The following RAB33B variants were observed in gnomAD, a reference collection of about 807,000 sequenced individuals.
The protein encoded by RAB33B is RAB33B, member RAS oncogene family.
In RAB33B, 6 loss-of-function variants were observed where a neutral mutation model predicts 15.0. That is an observed-to-expected ratio of 0.40 (90% confidence interval 0.22 to 0.79). RAB33B has a LOEUF of 0.79. Ranked by LOEUF, RAB33B falls within the 30% of genes least tolerant of loss-of-function variation. The probability of loss-of-function intolerance (pLI) is 0.37; values close to 1 mark genes in which losing one functional copy is unlikely to be tolerated. For synonymous variants in RAB33B, 117 were observed against 108.3 expected (o/e 1.08, Z -0.50); for missense variants, 257 against 296.4 (o/e 0.87, Z 0.98).
chr4:139,447,113 C>T, the RAB33B span, among the ~76,000 whole-genome samples: 3 of 152,196 alleles, frequency 2.0e-5, no homozygotes, highest in Admixed American at 2.0e-4. Context: ...CTGACCAAGG[C>T]ACTCACTTTA....
In RAB33B at chr4:139,473,239, C is replaced by T. The variant is rs1300836266; in HGVS notation, c.*113C>T. 2.1e-6 allele frequency: 2 copies of T among 952,488 alleles called. No homozygotes were observed. Among genetic ancestry groups the T allele is most frequent in the African/African-American group, 1.7e-5 (1 of 60,268 alleles). The allele number at this position is 952,488 out of a possible 1,614,324, so 59.0% of individuals were successfully genotyped here. A position where few individuals can be genotyped will look rare whatever the true frequency, so the allele number is the denominator to read the frequency against. ...TATAATGGGTCATCTTGACACTTTG[C>T]TGTTTGTCATTGTCACGCTTTTGTA... is the stretch of plus-strand genomic sequence containing the variant. On this transcript the variant is annotated 3_prime_UTR_variant, in exon 2 of 2. Coordinates refer to ENST00000305626, the MANE Select transcript of RAB33B (RefSeq NM_031296.3).
chr4:139,454,036 G>A (rs774087744), upstream of RAB33B: 64 of 815,184 alleles, frequency 7.9e-5, no homozygotes, highest in Non-Finnish European at 1.1e-4. Flanking sequence ...GCAAGGGCGG[G>A]GCGGGAAGGT....
the RAB33B span, among the ~76,000 whole-genome samples, chr4:139,443,870 G>A: frequency 2.0e-5 from 3 of 152,170 alleles, no homozygotes; most frequent in African/African-American, 7.2e-5. Context: ...TGAGGCAACA[G>A]TGATGGCCTC....
chr4:139,448,084 G>A, the RAB33B span, among the ~76,000 whole-genome samples: 5 of 152,200 alleles, frequency 3.3e-5, no homozygotes, highest in Non-Finnish European at 7.3e-5. Context: ...GTAAGGAAGA[G>A]TATGCATGGA....
At position 139,476,577 on chromosome 4, in the gene RAB33B, T is replaced by C. The variant is rs1267079994; in HGVS notation, c.*3451T>C. ...TCAAACATTTATCAAGTATGGGTCA[T>C]GTGTTCTCTATTTGTGTTAGTGGAG... is the stretch of plus-strand genomic sequence containing the variant. On this transcript the variant is annotated 3_prime_UTR_variant, in exon 2 of 2. Transcript: ENST00000305626. 1 of 152,254 alleles carries C rather than the reference T, an allele frequency of 6.6e-6. No homozygotes were observed. Among genetic ancestry groups the C allele is most frequent in the Non-Finnish European group, 1.5e-5 (1 of 68,042 alleles). 9.4% of individuals were successfully genotyped at this position (152,254 alleles called of 1,614,324 possible).
intron 1 of RAB33B, among the ~76,000 whole-genome samples, chr4:139,471,888 A>T (rs541046140): frequency 6.6e-6 from 1 of 152,162 alleles, no homozygotes. Flanking sequence ...GTAAGTTTTT[A>T]TATATGGTGT....
At chr4:139,472,150 C>G (rs1405238335) in intron 1 of RAB33B, among the ~76,000 whole-genome samples, 1 of 152,078 alleles carries the variant, frequency 6.6e-6, no homozygotes, top group Non-Finnish European at 1.5e-5. Context: ...CATTTTAATT[C>G]TATGTTGAGC....
At chr4:139,457,588 A>G (rs1750091881) in intron 1 of RAB33B, among the ~76,000 whole-genome samples, 1 of 152,028 alleles carries the variant, frequency 6.6e-6, no homozygotes, top group Non-Finnish European at 1.5e-5. Flanking sequence ...AATAATCAGG[A>G]CCTCTCCCCA....
chr4:139,453,885 T>C, upstream of RAB33B: 1 of 238,456 alleles, frequency 4.2e-6, no homozygotes. Context: ...CTCTGCAGGC[T>C]GGCCTTCCGC....
chr4:139,468,870 A>G (rs1750340912), intron 1 of RAB33B, among the ~76,000 whole-genome samples: 2 of 152,214 alleles, frequency 1.3e-5, no homozygotes, highest in African/African-American at 4.8e-5. Context: ...GCACTTGGAA[A>G]TATATCATGC....
At chr4:139,442,435 T>A in the RAB33B span, among the ~76,000 whole-genome samples, 1 of 152,170 alleles carries the variant, frequency 6.6e-6, no homozygotes, top group Non-Finnish European at 1.5e-5. Flanking sequence ...TATTGAAGGA[T>A]GCAAAGTATT....
chr4:139,443,600 G>A, the RAB33B span, among the ~76,000 whole-genome samples: 5 of 152,172 alleles, frequency 3.3e-5, no homozygotes, highest in African/African-American at 1.2e-4. Context: ...GCTCTTATTA[G>A]GCAAGTGGCT....
In RAB33B at chr4:139,473,160, T is replaced by C. The variant is rs1052529675; in HGVS notation, c.*34T>C. 1 of 1,506,922 alleles carries C rather than the reference T, an allele frequency of 6.6e-7. No individual in the cohort carries two copies. Among genetic ancestry groups the C allele is most frequent in the Admixed American group, 2.2e-5 (1 of 46,464 alleles). The allele number at this position is 1,506,922 out of a possible 1,614,324, so 93.3% of individuals were successfully genotyped here. On this transcript the variant is annotated 3_prime_UTR_variant, in exon 2 of 2. Coordinates refer to ENST00000305626, the MANE Select transcript of RAB33B (RefSeq NM_031296.3). ...CTTTATTATATTATCTAATTTTGAC[T>C]AAAGAAATACTTTTGAAGTATGACA... is the stretch of plus-strand genomic sequence containing the variant.
At chr4:139,444,615 G>T in the RAB33B span, among the ~76,000 whole-genome samples, 1 of 152,160 alleles carries the variant, frequency 6.6e-6, no homozygotes, top group African/African-American at 2.4e-5. Flanking sequence ...CTGAGCTGAC[G>T]TTGATTCTAG....
rs1750443085 is a variant in RAB33B at position 139,473,750 on chromosome 4, A to G, written c.*624A>G. On this transcript the variant is annotated 3_prime_UTR_variant, in exon 2 of 2. Transcript: ENST00000305626. ...GTTTTAGAGCCAAGACTTTAGTTCC[A>G]GTGGGATAAGAAGGCATAGAATGTT... is the stretch of plus-strand genomic sequence containing the variant. 1 of 152,168 alleles carries G rather than the reference A, an allele frequency of 6.6e-6. No individual in the cohort carries two copies. The highest frequency in any genetic ancestry group is 1.5e-5 in the Non-Finnish European group (1 of 68,048). The allele number at this position is 152,168 out of a possible 1,614,324, so 9.4% of individuals were successfully genotyped here.
At position 139,454,233 on chromosome 4, in the gene RAB33B, T is replaced by A; in HGVS notation, c.38T>A (p.Phe13Tyr). 1.2e-6 allele frequency: 2 copies of A among 1,613,940 alleles called. No homozygotes were observed. Among genetic ancestry groups the A allele is most frequent in the South Asian group, 1.1e-5 (1 of 91,064 alleles). ...EEMESSLEAS[F>Y]SSSGAVSGAS... Reference sequence around the variant, plus strand: ...ATGGAGTCGTCGCTCGAGGCAAGCTTTTCGTCCAGCGGGGCAGTGTCAGGG... The same window carrying A: ...ATGGAGTCGTCGCTCGAGGCAAGCTATTCGTCCAGCGGGGCAGTGTCAGGG... Residue 13 changes from phenylalanine (F) to tyrosine (Y), a missense_variant, in exon 1 of 2, where the codon TTT (phenylalanine) becomes TAT (tyrosine). Coordinates refer to ENST00000305626, the MANE Select transcript of RAB33B (RefSeq NM_031296.3).
At chr4:139,450,311 C>T (rs1272226600), upstream of RAB33B, 2 of 152,216 alleles carry the variant, frequency 1.3e-5, no homozygotes, top group Non-Finnish European at 2.9e-5. Context: ...GGTTACCAAA[C>T]ACAGTGATAT....
At chr4:139,443,354 TG>T in the RAB33B span, among the ~76,000 whole-genome samples, 2 of 152,186 alleles carry the variant, frequency 1.3e-5, no homozygotes, top group African/African-American at 4.8e-5. Flanking sequence ...ATTCACCACT[TG>T]TGAGAGGCAA....
upstream of RAB33B, chr4:139,450,745 TTAAAGAG>T (rs1396824772): frequency 6.6e-6 from 1 of 152,076 alleles, no homozygotes; most frequent in East Asian, 1.9e-4. Flanking sequence ...AGACCTGAAC[TTAAAGAG>T]TAAAATTATC....
Sources: allele counts gnomAD v4.1 joint callset (sites outside exome capture counted in the v4.1 genomes callset), GRCh38; gene constraint gnomAD v4.1.1; transcripts MANE v1.5; gene names NCBI Gene and HGNC (gene_info 2026-07-23, HGNC 2026-07-21).